Variants in PRRC2A observed in about 807,000 individuals in gnomAD.
PRRC2A encodes the protein proline rich coiled-coil 2A, also known as protein PRRC2A.
In PRRC2A, 59 loss-of-function variants were observed where a neutral mutation model predicts 224.6. The ratio of observed to expected loss-of-function variants is 0.26; its 90% CI spans 0.21 to 0.33. The LOEUF is 0.33. Among genes scored for constraint, PRRC2A ranks in the 10% least tolerant of loss-of-function variants. The probability of loss-of-function intolerance (pLI) is 1.00; values close to 1 mark genes in which losing one functional copy is unlikely to be tolerated. For synonymous variants in PRRC2A, 1,194 were observed against 1,109.5 expected, an observed-to-expected ratio of 1.08 and a Z score of -1.51; for missense variants, 3,095 against 2,880.7, an observed-to-expected ratio of 1.07 and a Z score of -1.70.
chr6:31,626,722 A>G, intron 9 of PRRC2A, 50 bp from the exon 10 acceptor site: 1 of 1,500,352 alleles, frequency 6.7e-7, no homozygotes, highest in South Asian at 1.2e-5. Flanking sequence ...CTACCTCCCA[A>G]GATTGGAGGG....
chr6:31,629,151 A>T lies in PRRC2A; in HGVS notation c.1773A>T (p.Pro591=). The T allele has an allele frequency of 1.2e-6, 2 of 1,614,028 alleles. No individual in the cohort carries two copies. The highest frequency in any genetic ancestry group is 2.7e-5 in the African/African-American group (2 of 75,016). The change falls in exon 13 of 31, where the codon CCA becomes CCT. Residue 591 remains proline (P), a synonymous_variant. Coordinates refer to ENST00000376033, the MANE Select transcript of PRRC2A (RefSeq NM_004638.4). ...GTGTTTTTTCCGATGCAGTGGAACC[A>T]CAACTGCCCTCAAAAGAGGGTCCTG... The part of the protein sequence containing the change: ...SGSFEASPVE[P]QLPSKEGPEP...
At position 31,634,541 on chromosome 6, in the gene PRRC2A, A is replaced by T; in HGVS notation, c.4919A>T (p.Asp1640Val). The change falls in exon 20 of 31, where the codon GAT (aspartate) becomes GTT (valine). Residue 1640 changes from aspartate to valine, a missense_variant. Transcript: ENST00000376033. ...PWMEPLSPFE[D>V]VAGTEMSQSD... ...ATGGAGCCCCTGAGTCCTTTTGAGG[A>T]TGTGGCTGGCACAGAAGTGAGTGAG... The T allele has an allele frequency of 6.2e-7, 1 of 1,612,184 alleles. No homozygotes were observed. The highest frequency in any genetic ancestry group is 8.5e-7 in the Non-Finnish European group (1 of 1,179,660).
rs2150521137 is a variant in PRRC2A, at chr6:31,631,964, C to T, written c.3291C>T (p.Ile1097=). The T allele has an allele frequency of 6.2e-7, 1 of 1,612,858 alleles. No individual in the cohort carries two copies. Among genetic ancestry groups the T allele is most frequent in the South Asian group, 1.1e-5 (1 of 91,076 alleles). Residue 1097 remains isoleucine, a synonymous_variant, in exon 16 of 31, where the codon ATC becomes ATT. Transcript: ENST00000376033. The surrounding 1 kb of genome is among the most constrained non-coding windows in gnomAD (Gnocchi z 4.5). ...TRSEGSEYEE[I]PKRRRQRGSE... ...GCGAGGGTTCAGAGTATGAGGAAAT[C>T]CCCAAGCGGCGCCGGCAGCGGGGCT...
intron 2 of PRRC2A, 139 bp from the exon 3 acceptor site, chr6:31,623,593 G>C (rs1775562837): frequency 1.0e-6 from 1 of 994,906 alleles, no homozygotes; most frequent in African/African-American, 1.6e-5. Flanking sequence ...TTAAGGGCAG[G>C]GGAAGGAATC....
At position 31,624,447 on chromosome 6, in the gene PRRC2A, C is replaced by T. The variant is rs1239715384; in HGVS notation, c.391-3C>T. 1.9e-6 allele frequency: 3 copies of T among 1,613,192 alleles called. No individual in the cohort carries two copies. The South Asian group carries it at 3.3e-5, about 18-fold the overall frequency. ...TTTATCATCTTTCTGAACACTTCCCCAGAACACTCCTTTGGTTCCAAGCGG... is the reference window on the plus strand; with the variant it reads ...TTTATCATCTTTCTGAACACTTCCCTAGAACACTCCTTTGGTTCCAAGCGG... On this transcript the variant is annotated splice_polypyrimidine_tract_variant and splice_region_variant and intron_variant, in intron 4 of 30. Coordinates refer to ENST00000376033, the MANE Select transcript of PRRC2A (RefSeq NM_004638.4).
Position 31,634,509 on chromosome 6 carries a change from G to T in PRRC2A, c.4887G>T (p.Glu1629Asp), listed in dbSNP as rs1192211929. 3 of 1,612,812 alleles carry T rather than the reference G, an allele frequency of 1.9e-6. No homozygotes were observed. Among genetic ancestry groups the T allele is most frequent in the South Asian group, 1.1e-5 (1 of 91,076 alleles). The change falls in exon 20 of 31, where the codon GAG (glutamate) becomes GAT (aspartate). Residue 1629 changes from glutamate (E) to aspartate (D), a missense_variant. This residue lies in a region of PRRC2A where 2,001 missense variants were observed against 1,764.9 expected (regional missense o/e 1.13). Transcript: ENST00000376033. The part of the protein sequence containing the change: ...SRKSYRPSSM[E>D]PWMEPLSPFE... ...AGAGTTACCGGCCCAGCTCCATGGA[G>T]CCTTGGATGGAGCCCCTGAGTCCTT...
rs529003217 is a variant in PRRC2A at position 31,632,782 on chromosome 6, G to T, written c.4109G>T (p.Arg1370Leu). ...GAVPGISAMS[R>L]GDLSQRAKDL... ...GTACCAGGTATTTCAGCCATGTCCCGCGGAGATCTGAGCCAGAGAGCCAAG... is the reference window on the plus strand; with the variant it reads ...GTACCAGGTATTTCAGCCATGTCCCTCGGAGATCTGAGCCAGAGAGCCAAG... Residue 1370 changes from arginine to leucine, a missense_variant, in exon 16 of 31, where the codon CGC becomes CTC. Physicochemically the swap from Arg to Leu is moderately radical, Grantham distance 102. This residue lies in a region of PRRC2A where 2,001 missense variants were observed against 1,764.9 expected (regional missense o/e 1.13). Coordinates refer to ENST00000376033, the MANE Select transcript of PRRC2A (RefSeq NM_004638.4). 5 of 1,612,980 alleles carry T rather than the reference G, an allele frequency of 3.1e-6. No homozygotes were observed. Among genetic ancestry groups the T allele is most frequent in the Non-Finnish European group, 4.2e-6 (5 of 1,180,024 alleles).
Position 31,623,777 on chromosome 6 carries a change from C to T in PRRC2A, c.158C>T (p.Ala53Val), listed in dbSNP as rs759097807. ...CAGAGTCTCGGGAAAGTTGCCATTG[C>T]CCGGCGTATGCCACCTCCAGCCAAC... ...GLQSLGKVAI[A>V]RRMPPPANLP... Residue 53 changes from alanine (A) to valine (V), a missense_variant, in exon 3 of 31, where the codon GCC becomes GTC. Physicochemically the swap from Ala to Val is moderately conservative, Grantham distance 64. Transcript: ENST00000376033. 1.2e-6 allele frequency: 2 copies of T among 1,614,216 alleles called. No individual in the cohort carries two copies. Among genetic ancestry groups the T allele is most frequent in the South Asian group, 1.1e-5 (1 of 91,090 alleles).
At position 31,627,856 on chromosome 6, in the gene PRRC2A, C is replaced by T; in HGVS notation, c.1382C>T (p.Ser461Phe). The T allele has an allele frequency of 1.2e-6, 2 of 1,613,102 alleles. No individual in the cohort carries two copies. Among genetic ancestry groups the T allele is most frequent in the Non-Finnish European group, 1.7e-6 (2 of 1,180,046 alleles). Residue 461 changes from serine to phenylalanine, a missense_variant, in exon 12 of 31, where the codon TCC becomes TTC. Around this residue, in one of 8 missense-constraint regions of PRRC2A, gnomAD observed 2,001 missense variants for 1,764.9 expected, o/e 1.13. Coordinates refer to ENST00000376033, the MANE Select transcript of PRRC2A (RefSeq NM_004638.4). The surrounding 1 kb of genome is among the most constrained non-coding windows in gnomAD (Gnocchi z 5.6). ...CGAAAGCAGTCGTCATCTGAGATTT[C>T]CCTGGCAGTGGAGCGGGCCCGGCGA... The part of the protein sequence containing the change: ...QRRKQSSSEI[S>F]LAVERARRRR...
In PRRC2A at chr6:31,631,697, G is replaced by T. The variant is rs772231428; in HGVS notation, c.3024G>T (p.Arg1008Ser). ...ATGGAAATCTTTCCCCTGCCCCAAGGCTTCGGAGGGACTATTCGTATGAAA... is the reference window on the plus strand; with the variant it reads ...ATGGAAATCTTTCCCCTGCCCCAAGTCTTCGGAGGGACTATTCGTATGAAA... The part of the protein sequence containing the change: ...PPNGNLSPAP[R>S]LRRDYSYERV... Residue 1008 changes from arginine (R) to serine (S), a missense_variant, in exon 16 of 31, where the codon AGG becomes AGT. Arg to Ser is a moderately radical substitution (Grantham distance 110, BLOSUM62 -1). Transcript: ENST00000376033. The surrounding 1 kb of genome is among the most constrained non-coding windows in gnomAD (Gnocchi z 4.5). 2.6e-6 allele frequency: 4 copies of T among 1,516,272 alleles called. No individual in the cohort carries two copies. In the South Asian group the frequency reaches 4.0e-5, roughly 15 times the overall value. The allele number at this position is 1,516,272 out of a possible 1,614,324, so 93.9% of individuals were successfully genotyped here.
rs140475949 is a variant in PRRC2A at position 31,636,588 on chromosome 6, T to G, written c.5914T>G (p.Ser1972Ala). Residue 1972 changes from serine to alanine, a missense_variant, in exon 27 of 31, where the codon TCA (serine) becomes GCA (alanine). Around this residue, in one of 8 missense-constraint regions of PRRC2A, gnomAD observed 662 missense variants for 609.5 expected, o/e 1.09. Transcript: ENST00000376033. The surrounding 1 kb of genome is among the most constrained non-coding windows in gnomAD (Gnocchi z 4.3). Reference protein sequence around the residue: ...QPGGQSGFLPSGAPAQQMLLP... With the variant: ...QPGGQSGFLPAGAPAQQMLLP... ...TGGTGGCCAAAGTGGCTTTCTCCCT[T>G]CAGGGGCTCCTGCCCAGCAGGTATA... 87 of 1,605,358 alleles carry G rather than the reference T, an allele frequency of 5.4e-5. No homozygotes were observed. The highest frequency in any genetic ancestry group is 7.0e-5 in the Non-Finnish European group (82 of 1,176,486).
Position 31,625,323 on chromosome 6 carries a change from C to T in PRRC2A, c.607+9C>T. 6.2e-7 allele frequency: 1 copy of T among 1,614,010 alleles called. No individual in the cohort carries two copies. The highest frequency in any genetic ancestry group is 1.1e-5 in the South Asian group (1 of 91,084). ...AAGCCTCCGCCCCCAAAGTGAGTGG[C>T]TGCCTTTTGGCCAAGACATTACCTA... On this transcript the variant is annotated intron_variant, in intron 6 of 30. Transcript: ENST00000376033. This position sits in a 1 kb window ranked among gnomAD's most constrained non-coding sequence, Gnocchi z 4.1.
Position 31,636,470 on chromosome 6 carries a change from T to C in PRRC2A, c.5836-40T>C, listed in dbSNP as rs1777360001. On this transcript the variant is annotated intron_variant, in intron 26 of 30. Coordinates refer to ENST00000376033, the MANE Select transcript of PRRC2A (RefSeq NM_004638.4). The surrounding 1 kb of genome is among the most constrained non-coding windows in gnomAD (Gnocchi z 4.3). ...TTGGGGGATAGGGTAGGGAGAATGATTTTGTGGGGGTTGATATATTTCTCC... is the reference window on the plus strand; with the variant it reads ...TTGGGGGATAGGGTAGGGAGAATGACTTTGTGGGGGTTGATATATTTCTCC... The C allele has an allele frequency of 6.2e-7, 1 of 1,609,290 alleles. No individual in the cohort carries two copies. The highest frequency in any genetic ancestry group is 8.5e-7 in the Non-Finnish European group (1 of 1,177,060).
chr6:31,632,222 A>G lies in PRRC2A; in HGVS notation c.3549A>G (p.Pro1183=). The change falls in exon 16 of 31, where the codon CCA becomes CCG. Residue 1183 remains proline (P), a synonymous_variant. Coordinates refer to ENST00000376033, the MANE Select transcript of PRRC2A (RefSeq NM_004638.4). ...GGGRPPPQVC[P]GWSPPAKSLA... ...GGAGGCCCCCTCCTCAAGTTTGCCC[A>G]GGCTGGAGCCCTCCAGCCAAGTCTC... The G allele has an allele frequency of 6.2e-7, 1 of 1,610,816 alleles. No homozygotes were observed. The highest frequency in any genetic ancestry group is 8.5e-7 in the Non-Finnish European group (1 of 1,179,212).
At position 31,629,165 on chromosome 6, in the gene PRRC2A, A is replaced by C. The variant is rs764480167; in HGVS notation, c.1787A>C (p.Lys596Thr). Residue 596 changes from lysine to threonine, a missense_variant, in exon 13 of 31, where the codon AAA (lysine) becomes ACA (threonine). Around this residue, in one of 8 missense-constraint regions of PRRC2A, gnomAD observed 2,001 missense variants for 1,764.9 expected, o/e 1.13. Transcript: ENST00000376033. ...GCAGTGGAACCACAACTGCCCTCAA[A>C]AGAGGGTCCTGAACCACCAGAAGAG... ...ASPVEPQLPS[K>T]EGPEPPEEVP... 6.2e-7 allele frequency: 1 copy of C among 1,614,042 alleles called. No homozygotes were observed. Among genetic ancestry groups the C allele is most frequent in the Non-Finnish European group, 8.5e-7 (1 of 1,179,996 alleles).
chr6:31,631,255 C>G lies in PRRC2A; in HGVS notation c.2582C>G (p.Pro861Arg). ...CGCTTTCCTCTGGAGGAACCAGGGC[C>G]CCGTCCACTCCCCTGGCCCCCAGGC... is the stretch of plus-strand genomic sequence containing the variant. ...ISRFPLEEPG[P>R]RPLPWPPGSD... Residue 861 changes from proline to arginine, a missense_variant, in exon 16 of 31, where the codon CCC becomes CGC. Pro to Arg is a moderately radical substitution (Grantham distance 103). Around this residue, in one of 8 missense-constraint regions of PRRC2A, gnomAD observed 2,001 missense variants for 1,764.9 expected, o/e 1.13. Coordinates refer to ENST00000376033, the MANE Select transcript of PRRC2A (RefSeq NM_004638.4). The surrounding 1 kb of genome is among the most constrained non-coding windows in gnomAD (Gnocchi z 4.5). 1 of 1,612,324 alleles carries G rather than the reference C, an allele frequency of 6.2e-7. No individual in the cohort carries two copies. Among genetic ancestry groups the G allele is most frequent in the Non-Finnish European group, 8.5e-7 (1 of 1,179,796 alleles).
In PRRC2A at chr6:31,637,329, A is replaced by G. The variant is rs1209135857; in HGVS notation, c.6333+5A>G. The G allele has an allele frequency of 1.9e-6, 3 of 1,609,222 alleles. No individual in the cohort carries two copies. The highest frequency in any genetic ancestry group is 2.7e-5 in the African/African-American group (2 of 74,854). On this transcript the variant is annotated splice_donor_5th_base_variant and intron_variant, in intron 30 of 30. Transcript: ENST00000376033. ...CGCGTCGACCTTTACCAGCAGGTGA[A>G]GGAGAAACCCTTGTGGCCCCAACTC...
chr6:31,630,326 G>T (rs1031110445), intron 14 of PRRC2A, among the ~76,000 whole-genome samples: 2 of 146,506 alleles, frequency 1.4e-5, no homozygotes, highest in African/African-American at 5.0e-5. Context: ...AAAAATGAAT[G>T]AATGAATAGC....
rs753862808 is a variant in PRRC2A at position 31,624,270 on chromosome 6, C to T, written c.300C>T (p.Ala100=). Residue 100 remains alanine (A), a synonymous_variant, in exon 4 of 31, where the codon GCC becomes GCT. Coordinates refer to ENST00000376033, the MANE Select transcript of PRRC2A (RefSeq NM_004638.4). ...CATTCTGTCCCCTCAGTTCCGATGC[C>T]TCAACCGCTCAGCCGCCGGAATCGC... ...QEQSDPKSSD[A]STAQPPESQP... is the part of the protein sequence containing the mutation. The T allele has an allele frequency of 4.3e-6, 7 of 1,613,458 alleles. No homozygotes were observed. The Admixed American group carries it at 5.0e-5, about 12-fold the overall frequency.
Sources: allele counts gnomAD v4.1 joint callset (sites outside exome capture counted in the v4.1 genomes callset), GRCh38; gene constraint gnomAD v4.1.1; regional missense constraint gnomAD v4.1.1; non-coding constraint Gnocchi (gnomAD v3.1); transcripts MANE v1.5; gene names NCBI Gene and HGNC (gene_info 2026-07-23, HGNC 2026-07-21).